Variants in HFM1 observed in about 807,000 individuals in gnomAD.
HFM1 encodes probable ATP-dependent DNA helicase HFM1.
Under a neutral mutation model 192.1 loss-of-function variants are expected in HFM1, and 169 were observed. The ratio of observed to expected loss-of-function variants is 0.88; its 90% confidence interval spans 0.78 to 1.00. The LOEUF is 1.00. HFM1 is among the 50% of genes least tolerant of loss of function. HFM1 has a pLI of 0.00. For missense variants in HFM1, 1,661 were observed against 1,668.0 expected (o/e 1.00, Z 0.07); for synonymous variants, 525 against 537.8 (o/e 0.98, Z 0.33).
chr1:91,275,615 A>T (rs145908960), intron 32 of HFM1, among the ~76,000 whole-genome samples: 19 of 152,264 alleles, frequency 1.2e-4, no homozygotes, highest in Admixed American at 1.0e-3. Context: ...AATGCCAGAA[A>T]CCTGGGCATC....
chr1:91,364,632 A>ATATATATATATATT (rs753472335), intron 13 of HFM1, among the ~76,000 whole-genome samples: 1 of 66,784 alleles, frequency 1.5e-5, no homozygotes, highest in African/African-American at 6.4e-5. Flanking sequence ...ATATATATAT[A>ATATATATATATATT]TTTTTTTTTT....
At chr1:91,336,462 T>A (rs1654590417) in intron 20 of HFM1, among the ~76,000 whole-genome samples, 1 of 151,826 alleles carries the variant, frequency 6.6e-6, no homozygotes, top group South Asian at 2.1e-4. Context: ...TTTCCCTCTA[T>A]CCCTATCCTT....
intron 30 of HFM1, among the ~76,000 whole-genome samples, chr1:91,312,677 C>A (rs1166849744): frequency 6.6e-6 from 1 of 151,996 alleles, no homozygotes; most frequent in East Asian, 1.9e-4. Flanking sequence ...TGGGTTAATG[C>A]TGAAATGAGT....
chr1:91,405,525 C>T (rs1014071805), upstream of HFM1, among the ~76,000 whole-genome samples: 1 of 152,080 alleles, frequency 6.6e-6, no homozygotes, highest in African/African-American at 2.4e-5. Flanking sequence ...GGCCAACCTA[C>T]TGCTGTCTGA....
intron 23 of HFM1, 37 bp downstream of exon 23, chr1:91,322,913 A>C (rs1652345942): frequency 9.6e-7 from 1 of 1,038,870 alleles, no homozygotes; most frequent in African/African-American, 1.7e-5. Flanking sequence ...TTTAAAACCA[A>C]AAAAAGAAAA....
intron 20 of HFM1, among the ~76,000 whole-genome samples, chr1:91,329,974 G>A (rs1025586688): frequency 6.6e-6 from 1 of 152,224 alleles, no homozygotes; most frequent in Non-Finnish European, 1.5e-5. Flanking sequence ...CATCAGGAAG[G>A]CGCATCTTAG....
At chr1:91,403,838 G>A (rs1267448102) in intron 1 of HFM1, among the ~76,000 whole-genome samples, 1 of 151,942 alleles carries the variant, frequency 6.6e-6, no homozygotes, top group East Asian at 1.9e-4. Flanking sequence ...TTATATTAAT[G>A]ACAATTCACC....
At chr1:91,353,923 G>T (rs12127987) in intron 13 of HFM1, among the ~76,000 whole-genome samples, 1 of 113,632 alleles carries the variant, frequency 8.8e-6, no homozygotes, top group Non-Finnish European at 1.7e-5. Flanking sequence ...CAGGAAACAT[G>T]AAAAAAAAAA....
intron 18 of HFM1, among the ~76,000 whole-genome samples, chr1:91,347,899 A>C (rs1656356522): frequency 6.6e-6 from 1 of 152,198 alleles, no homozygotes; most frequent in South Asian, 2.1e-4. Flanking sequence ...AAAGATATAC[A>C]TATAACAATG....
chr1:91,363,108 T>C (rs1019953138), intron 13 of HFM1, among the ~76,000 whole-genome samples: 7 of 152,220 alleles, frequency 4.6e-5, no homozygotes, highest in African/African-American at 1.4e-4. Context: ...CTTCAAGTCA[T>C]AGGCACGGGC....
chr1:91,393,341 C>A (rs950337633), intron 4 of HFM1, among the ~76,000 whole-genome samples: 1 of 152,152 alleles, frequency 6.6e-6, no homozygotes, highest in African/African-American at 2.4e-5. Context: ...ATCAACTAAA[C>A]TTCTTCTGAA....
chr1:91,378,318 T>C (rs2101990771), intron 10 of HFM1, 85 bp downstream of exon 10: 12 of 1,276,250 alleles, frequency 9.4e-6, no homozygotes, highest in South Asian at 2.7e-5. Flanking sequence ...AACAAACATA[T>C]AGTTTGGTTG....
chr1:91,368,630 G>A (rs1659722000), intron 13 of HFM1, among the ~76,000 whole-genome samples: 1 of 152,178 alleles, frequency 6.6e-6, no homozygotes, highest in Admixed American at 6.5e-5. Context: ...ACTGGTACCA[G>A]CCACTGCAAA....
At chr1:91,377,210 T>C (rs558230147) in intron 11 of HFM1, among the ~76,000 whole-genome samples, 49 of 152,052 alleles carry the variant, frequency 3.2e-4, no homozygotes, top group African/African-American at 1.0e-3. Context: ...GTTGTTGTAA[T>C]AAACTTTAAA....
intron 30 of HFM1, among the ~76,000 whole-genome samples, chr1:91,308,869 G>A (rs1557824927): frequency 6.6e-6 from 1 of 152,174 alleles, no homozygotes; most frequent in Non-Finnish European, 1.5e-5. Flanking sequence ...GGCTGATCAT[G>A]TAAACCCCTT....
In HFM1 at chr1:91,267,768, T is replaced by A. The variant is rs200074366; in HGVS notation, c.3860A>T (p.Asp1287Val). Residue 1287 changes from aspartate to valine, a missense_variant, in exon 35 of 39, where the codon GAT becomes GTT. By Grantham distance (152) the Asp-to-Val change is radical. Coordinates refer to ENST00000370425, the MANE Select transcript of HFM1 (RefSeq NM_001017975.6). Reference protein sequence around the residue: ...ENLEVTSFSTDTEKTKISGFG... With the variant: ...ENLEVTSFSTVTEKTKISGFG... ...ACCTGATATTTTTGTCTTCTCAGTA[T>A]CAGTTGAAAAGCTAGTAACTTCTAA... is the stretch of plus-strand genomic sequence containing the variant. The A allele has an allele frequency of 6.2e-5, 95 of 1,520,392 alleles. 1 individual carries two copies. Among genetic ancestry groups the A allele is most frequent in the Middle Eastern group, 5.1e-4 (3 of 5,874 alleles). 94.2% of individuals were successfully genotyped at this position (1,520,392 alleles called of 1,614,324 possible). A position where few individuals can be genotyped will look rare whatever the true frequency, so the allele number is the denominator to read the frequency against.
chr1:91,376,663 A>G (rs1281712022), intron 11 of HFM1, among the ~76,000 whole-genome samples: 1 of 151,942 alleles, frequency 6.6e-6, no homozygotes, highest in Admixed American at 6.6e-5. Flanking sequence ...GTTGATAAAT[A>G]TATTTAAAAT....
intron 3 of HFM1, among the ~76,000 whole-genome samples, chr1:91,395,396 T>C (rs1356535829): frequency 6.6e-6 from 1 of 152,228 alleles, no homozygotes; most frequent in Non-Finnish European, 1.5e-5. Context: ...GTATTATATG[T>C]ATAGAGAAGA....
rs542942654 is a variant in HFM1 at position 91,299,333 on chromosome 1, T to A, written c.3391+14016A>T. Among the ~76,000 whole-genome samples the A allele has an allele frequency of 3.3e-5, 5 of 152,252 alleles. No homozygotes were observed. The East Asian group carries it at 9.7e-4, about 29-fold the overall frequency. On this transcript the variant is annotated intron_variant, in intron 30 of 38. Transcript: ENST00000370425. ...GACTTAGACTCCCACACAATAATAA[T>A]GGGAGACTTTCACACCCCACTGTCA...
Sources: allele counts gnomAD v4.1 joint callset (sites outside exome capture counted in the v4.1 genomes callset), GRCh38; gene constraint gnomAD v4.1.1; transcripts MANE v1.5; gene names NCBI Gene and HGNC (gene_info 2026-07-23, HGNC 2026-07-21).